Variants in TDRD12 observed in about 807,000 individuals in gnomAD.
TDRD12 encodes putative ATP-dependent RNA helicase TDRD12.
A neutral mutation model predicts 133.5 loss-of-function variants in TDRD12; 158 were observed. The observed-to-expected ratio is 1.18, with a 90% CI of 1.04 to 1.35. The LOEUF (loss-of-function observed/expected upper bound fraction) is 1.35, where lower values mean the gene tolerates loss of function less well. TDRD12 is among the 40% of genes most tolerant of loss of function. The probability of loss-of-function intolerance (pLI) is 0.00; values close to 1 mark genes in which losing one functional copy is unlikely to be tolerated. For synonymous variants in TDRD12, 460 were observed against 477.9 expected (o/e 0.96, Z 0.49); for missense variants, 1,443 against 1,321.3 (o/e 1.09, Z -1.43).
chr19:32,740,462 T>G (rs1969387930), intron 3 of TDRD12, among the ~76,000 whole-genome samples: 1 of 150,734 alleles, frequency 6.6e-6, no homozygotes, highest in Admixed American at 6.6e-5. Flanking sequence ...TCCTGGGTAC[T>G]CTGCATCTCC....
At position 32,758,307 on chromosome 19, in the gene TDRD12, T is replaced by C. The variant is rs915832175; in HGVS notation, c.865+1177T>C. Among the ~76,000 whole-genome samples, 21 of 152,266 alleles carry C rather than the reference T, an allele frequency of 1.4e-4. 1 individual carries two copies. The highest frequency in any genetic ancestry group is 5.9e-4 in the Admixed American group (9 of 15,294). ...TGGACTCAGAATGGGGAGTGCCTGC[T>C]GATTGGTTAGTGAGTATGCAAAAAA... On this transcript the variant is annotated intron_variant, in intron 8 of 27. Transcript: ENST00000444215.
At chr19:32,803,935 G>A (rs931722045) in intron 21 of TDRD12, among the ~76,000 whole-genome samples, 6 of 152,102 alleles carry the variant, frequency 3.9e-5, no homozygotes, top group Admixed American at 6.5e-5. Context: ...TTGGTTTGTC[G>A]GGGGGAGTAG....
intron 10 of TDRD12, 21 bp from the exon 11 acceptor site, chr19:32,777,128 A>ATT (rs375161997): frequency 2.8e-5 from 34 of 1,231,064 alleles, no homozygotes; most frequent in Admixed American, 1.3e-4. Flanking sequence ...ATTTTAATGA[A>ATT]TTTTTTTTTT....
chr19:32,756,477 C>T (rs1969997662), intron 7 of TDRD12, among the ~76,000 whole-genome samples: 2 of 151,048 alleles, frequency 1.3e-5, no homozygotes, highest in African/African-American at 4.9e-5. Flanking sequence ...AAGCTCCTCC[C>T]CCCAGGTTCA....
chr19:32,766,522 C>T (rs571360198), intron 8 of TDRD12, among the ~76,000 whole-genome samples: 10 of 152,226 alleles, frequency 6.6e-5, no homozygotes, highest in Non-Finnish European at 1.5e-4. Flanking sequence ...CTGTTTGTCT[C>T]ATCTGGTTTT....
At chr19:32,739,290 C>CTGGCTACTCTCTGCATCTCA in intron 3 of TDRD12, among the ~76,000 whole-genome samples, 2 of 151,746 alleles carry the variant, frequency 1.3e-5, no homozygotes, top group African/African-American at 4.9e-5. Flanking sequence ...TCTGCATCTC[C>CTGGCTACTCTCTGCATCTCA]TGGCTACTCT....
At chr19:32,757,196 A>C in intron 8 of TDRD12, 66 bp downstream of exon 8, 3 of 1,305,346 alleles carry the variant, frequency 2.3e-6, no homozygotes, top group Non-Finnish European at 3.2e-6. Context: ...CTTTTTAAAG[A>C]TTAGAAAGGT....
intron 10 of TDRD12, among the ~76,000 whole-genome samples, chr19:32,774,544 T>C (rs996336625): frequency 3.9e-5 from 6 of 152,118 alleles, no homozygotes; most frequent in Non-Finnish European, 7.4e-5. Context: ...TTGACAGCAC[T>C]TTATTTAAAG....
chr19:32,747,435 G>C (rs915757758), intron 4 of TDRD12, among the ~76,000 whole-genome samples: 8 of 152,172 alleles, frequency 5.3e-5, no homozygotes, highest in African/African-American at 1.7e-4. Flanking sequence ...TGGGCTAAGT[G>C]TTCTATGTAC....
chr19:32,757,569 G>C (rs999121415), intron 8 of TDRD12, among the ~76,000 whole-genome samples: 2 of 152,202 alleles, frequency 1.3e-5, no homozygotes, highest in Admixed American at 1.3e-4. Flanking sequence ...AAATTTTTCA[G>C]CCCCTTTGAT....
chr19:32,720,901 C>G (rs998028228), intron 1 of TDRD12, among the ~76,000 whole-genome samples: 1 of 149,178 alleles, frequency 6.7e-6, no homozygotes, highest in Non-Finnish European at 1.5e-5. Context: ...TTCACGGGCC[C>G]TGGCGTGCTC....
chr19:32,799,728 C>CTTTTTTTTTTTTTTTTTTTTT (rs71176153), intron 16 of TDRD12, among the ~76,000 whole-genome samples: 1 of 78,434 alleles, frequency 1.3e-5, no homozygotes, highest in Non-Finnish European at 2.3e-5. Context: ...TAGTTTTTGC[C>CTTTTTTTTTTTTTTTTTTTTT]TTTTTTTTTT....
intron 1 of TDRD12, among the ~76,000 whole-genome samples, chr19:32,729,506 C>T (rs867846245): frequency 8.6e-5 from 13 of 151,524 alleles, no homozygotes; most frequent in African/African-American, 2.2e-4. Flanking sequence ...CATGAGCCAC[C>T]GTGCCTGGCC....
intron 27 of TDRD12, among the ~76,000 whole-genome samples, chr19:32,819,136 G>T (rs1967290288): frequency 6.6e-6 from 1 of 152,084 alleles, no homozygotes; most frequent in Admixed American, 6.6e-5. Context: ...GGGCAACATA[G>T]CAAGACCCTG....
intron 6 of TDRD12, among the ~76,000 whole-genome samples, chr19:32,754,925 G>A (rs575789584): frequency 8.5e-5 from 13 of 152,234 alleles, no homozygotes; most frequent in Middle Eastern, 3.4e-3. Flanking sequence ...AGGGAGGTTC[G>A]TGCTTAGCTG....
chr19:32,726,547 A>G (rs1005223689), intron 1 of TDRD12, among the ~76,000 whole-genome samples: 1 of 152,176 alleles, frequency 6.6e-6, no homozygotes, highest in Non-Finnish European at 1.5e-5. Flanking sequence ...TTCACTCAGT[A>G]TAATGTCCTC....
At chr19:32,761,000 G>T (rs1304219520) in intron 8 of TDRD12, among the ~76,000 whole-genome samples, 1 of 152,224 alleles carries the variant, frequency 6.6e-6, no homozygotes, top group African/African-American at 2.4e-5. Context: ...AGAGTGTGAA[G>T]ATTAACACTG....
At chr19:32,756,048 A>G (rs1008081887) in exon 7 of TDRD12, 19 of 1,479,910 alleles carry the variant, frequency 1.3e-5, no homozygotes, top group African/African-American at 2.9e-5. Flanking sequence ...TGTCACCTAC[A>G]AAGAATAAAA....
At chr19:32,736,959 C>T (rs1314290432) in intron 2 of TDRD12, among the ~76,000 whole-genome samples, 2 of 152,166 alleles carry the variant, frequency 1.3e-5, no homozygotes, top group Non-Finnish European at 2.9e-5. Flanking sequence ...TACACCTAAC[C>T]TGCTGACCAG....
Sources: gnomAD v4.1 joint callset for allele counts (sites outside exome capture counted in the v4.1 genomes callset) on GRCh38, gnomAD v4.1.1 for gene constraint, MANE v1.5 for transcripts, NCBI Gene and HGNC (gene_info 2026-07-23, HGNC 2026-07-21) for gene names.